OR11A1: variants seen among roughly 807,000 people sequenced by gnomAD.
OR11A1 encodes the protein olfactory receptor 11A1.
For synonymous variants in OR11A1, 158 were observed against 152.2 expected, an observed-to-expected ratio of 1.04 and a Z score of -0.28; for missense variants, 380 against 378.2, an observed-to-expected ratio of 1.00 and a Z score of -0.04.
intron 1 of OR11A1, among the ~76,000 whole-genome samples, chr6:29,454,893 A>G (rs1785870587): frequency 1.3e-5 from 2 of 151,522 alleles, no homozygotes; most frequent in Admixed American, 1.3e-4. Context: ...AAAAGCAGCC[A>G]TTTTTTTTAT....
chr6:29,448,228 G>T lies in OR11A1; in HGVS notation c.-389+8759C>A, dbSNP rs144361790. 6.4e-3 allele frequency among the ~76,000 whole-genome samples: 973 copies of T among 151,798 alleles called. 9 individuals are homozygous for T. Among genetic ancestry groups the T allele is most frequent in the Middle Eastern group, 0.01 (3 of 294 alleles). Reference sequence around the variant, plus strand: ...GATGGGGTTTCACCAAGTTGGCCAGGATGGTCTCGATCTCTTGACCTCATG... The same window carrying T: ...GATGGGGTTTCACCAAGTTGGCCAGTATGGTCTCGATCTCTTGACCTCATG... On this transcript the variant is annotated intron_variant, in intron 1 of 4. Coordinates refer to ENST00000377149, the MANE Select transcript of OR11A1 (RefSeq NM_001394828.1).
At chr6:29,430,237 A>G (rs1234808082) in intron 3 of OR11A1, 64 bp downstream of exon 3, 1 of 968,940 alleles carries the variant, frequency 1.0e-6, no homozygotes, top group African/African-American at 1.8e-5. Flanking sequence ...TTCTTCATAG[A>G]CTACAAAATT....
chr6:29,427,637 T>G lies in OR11A1; in HGVS notation c.5A>C (p.Glu2Ala), dbSNP rs766411536. 6.2e-7 allele frequency: 1 copy of G among 1,601,842 alleles called. No homozygotes were observed. Among genetic ancestry groups the G allele is most frequent in the South Asian group, 1.1e-5 (1 of 89,626 alleles). The change falls in exon 5 of 5, where the codon GAA becomes GCA. Residue 2 changes from glutamate (E) to alanine (A), a missense_variant. Glu to Ala is a moderately radical substitution (Grantham distance 107). Transcript: ENST00000377149. M[E>A]IVSTGNETIT... ...AGTTTCGTTTCCTGTGGAGACAATT[T>G]CCATGTCGATCGTCCAAGTTTCTGC...
At chr6:29,443,806 G>A (rs58111527) in intron 1 of OR11A1, among the ~76,000 whole-genome samples, 8,916 of 152,078 alleles carry the variant, frequency 0.059, 416 homozygotes, top group African/African-American at 0.12. Context: ...AATTCCTCAC[G>A]ATATATTTTT....
chr6:29,437,374 A>G (rs1284266907), intron 1 of OR11A1, among the ~76,000 whole-genome samples: 5 of 152,242 alleles, frequency 3.3e-5, no homozygotes, highest in African/African-American at 1.2e-4. Flanking sequence ...CATCTTTCTA[A>G]TGACAAGAAT....
chr6:29,428,297 G>T (rs903680676), intron 4 of OR11A1: 2 of 985,160 alleles, frequency 2.0e-6, no homozygotes, highest in Middle Eastern at 5.2e-4. Flanking sequence ...TCAGGAGTTG[G>T]TAGTGAAAAT....
At position 29,440,634 on chromosome 6, in the gene OR11A1, C is replaced by G. The variant is rs555802210; in HGVS notation, c.-388-8647G>C. On this transcript the variant is annotated intron_variant, in intron 1 of 4. Transcript: ENST00000377149. ...TATCCTGGCAACAGCCCTCCTCATCCTCTGCCCCTTTGGCCTCATCCTGGG... is the reference window on the plus strand; with the variant it reads ...TATCCTGGCAACAGCCCTCCTCATCGTCTGCCCCTTTGGCCTCATCCTGGG... 1.9e-6 allele frequency: 3 copies of G among 1,614,094 alleles called. No individual in the cohort carries two copies. The South Asian group carries it at 3.3e-5, about 18-fold the overall frequency.
chr6:29,427,340 T>C lies in OR11A1; in HGVS notation c.302A>G (p.Gln101Arg), dbSNP rs1466484441. Residue 101 changes from glutamine (Q) to arginine (R), a missense_variant, in exon 5 of 5, where the codon CAG becomes CGG. Coordinates refer to ENST00000377149, the MANE Select transcript of OR11A1 (RefSeq NM_001394828.1). ...GGCTAGAGAGCCGAAGATAAAGAAC[T>C]GGAGCAAGCAACCAGCCACAGAGAT... The part of the protein sequence containing the change: ...ATISVAGCLL[Q>R]FFIFGSLATA... 9 of 1,613,048 alleles carry C rather than the reference T, an allele frequency of 5.6e-6. No homozygotes were observed. The Admixed American group carries it at 1.5e-4, about 27-fold the overall frequency.
At chr6:29,448,010 C>CTTTCT (rs1784949440) in intron 1 of OR11A1, among the ~76,000 whole-genome samples, 1 of 79,934 alleles carries the variant, frequency 1.3e-5, no homozygotes, top group Non-Finnish European at 2.3e-5. Flanking sequence ...ATGACCCTTT[C>CTTTCT]TTTTTTTTTT....
intron 1 of OR11A1, among the ~76,000 whole-genome samples, chr6:29,451,884 T>A (rs1785432164): frequency 6.6e-6 from 1 of 152,172 alleles, no homozygotes; most frequent in African/African-American, 2.4e-5. Flanking sequence ...TAAAGAGTCA[T>A]GTATGTGTAT....
At chr6:29,430,218 A>G (rs1783142096) in intron 3 of OR11A1, 83 bp downstream of exon 3, 2 of 884,396 alleles carry the variant, frequency 2.3e-6, no homozygotes, top group South Asian at 5.2e-5. Flanking sequence ...TGATCAGAGA[A>G]GAATGCTGTT....
chr6:29,435,325 G>A (rs947533903), intron 1 of OR11A1, among the ~76,000 whole-genome samples: 1 of 152,224 alleles, frequency 6.6e-6, no homozygotes, highest in African/African-American at 2.4e-5. Flanking sequence ...CAAACTCTCA[G>A]AAGTGACTAT....
intron 1 of OR11A1, among the ~76,000 whole-genome samples, chr6:29,448,010 C>CTTTTTTTTTTTTTTTTT (rs9280602): frequency 1.3e-5 from 1 of 79,936 alleles, no homozygotes. Context: ...ATGACCCTTT[C>CTTTTTTTTTTTTTTTTT]TTTTTTTTTT....
intron 1 of OR11A1, among the ~76,000 whole-genome samples, chr6:29,445,129 C>A (rs1318871222): frequency 6.6e-6 from 1 of 152,222 alleles, no homozygotes; most frequent in East Asian, 1.9e-4. Context: ...GCCTCAGCCT[C>A]CTGAGTAGCT....
chr6:29,427,567 C>T lies in OR11A1; in HGVS notation c.75G>A (p.Leu25=), dbSNP rs1782926122. 1.2e-6 allele frequency: 2 copies of T among 1,612,850 alleles called. No individual in the cohort carries two copies. Among genetic ancestry groups the T allele is most frequent in the South Asian group, 1.1e-5 (1 of 91,072 alleles). The change falls in exon 5 of 5, where the codon CTG becomes CTA. Residue 25 remains leucine (L), a synonymous_variant. Coordinates refer to ENST00000377149, the MANE Select transcript of OR11A1 (RefSeq NM_001394828.1). ...TGAATACAATAAAAAACAAGAAATGCAGTTCAGGGATGTCATAGAAGCCAA... is the reference window on the plus strand; with the variant it reads ...TGAATACAATAAAAAACAAGAAATGTAGTTCAGGGATGTCATAGAAGCCAA... The part of the protein sequence containing the change: ...VLLGFYDIPE[L]HFLFFIVFTA...
rs939343320 is a variant in OR11A1, at chr6:29,426,688, T to C, written c.*6A>G. 1.3e-5 allele frequency: 21 copies of C among 1,600,526 alleles called. No homozygotes were observed. The Admixed American group carries it at 1.4e-4, about 10-fold the overall frequency. On this transcript the variant is annotated 3_prime_UTR_variant, in exon 5 of 5. Coordinates refer to ENST00000377149, the MANE Select transcript of OR11A1 (RefSeq NM_001394828.1). ...AAGTCCAAAATAACATCTTCATTAC[T>C]CTCCTTCAATCAAGTGTTTCAGTTT...
chr6:29,431,916 T>G lies in OR11A1; in HGVS notation c.-317A>C. Reference sequence around the variant, plus strand: ...ACAGGACTGTGAGGAGGAGATGATCTGCTAAGATTTGCTGAAGACTTCAGA... The same window carrying G: ...ACAGGACTGTGAGGAGGAGATGATCGGCTAAGATTTGCTGAAGACTTCAGA... On this transcript the variant is annotated 5_prime_UTR_variant, in exon 2 of 5. Coordinates refer to ENST00000377149, the MANE Select transcript of OR11A1 (RefSeq NM_001394828.1). 1 of 985,366 alleles carries G rather than the reference T, an allele frequency of 1.0e-6. No individual in the cohort carries two copies. The highest frequency in any genetic ancestry group is 4.7e-5 in the South Asian group (1 of 21,286). 61.0% of individuals were successfully genotyped at this position (985,366 alleles called of 1,614,324 possible). A position where few individuals can be genotyped will look rare whatever the true frequency, so the allele number is the denominator to read the frequency against.
intron 1 of OR11A1, among the ~76,000 whole-genome samples, chr6:29,455,915 GCATATA>G (rs144156580): frequency 0.21 from 29,056 of 139,716 alleles, 3,631 homozygotes; most frequent in South Asian, 0.34. Context: ...TATATCCTAA[GCATATA>G]CATATACAAC....
intron 1 of OR11A1, among the ~76,000 whole-genome samples, chr6:29,447,557 A>G (rs557571554): frequency 1.3e-5 from 2 of 152,328 alleles, no homozygotes; most frequent in Non-Finnish European, 1.5e-5. Flanking sequence ...TTGCACTAGC[A>G]TGGGTCTGGA....
Sources: gnomAD v4.1 joint callset for allele counts (sites outside exome capture counted in the v4.1 genomes callset) on GRCh38, gnomAD v4.1.1 for gene constraint, MANE v1.5 for transcripts, NCBI Gene and HGNC (gene_info 2026-07-23, HGNC 2026-07-21) for gene names.